HERC2: variants seen among roughly 807,000 people sequenced by gnomAD.
The protein encoded by HERC2 is HECT and RLD domain containing E3 ubiquitin protein ligase 2.
A neutral mutation model predicts 537.7 loss-of-function variants in HERC2; 102 were observed. The ratio of observed to expected loss-of-function variants is 0.19; its 90% CI spans 0.16 to 0.22. The LOEUF (loss-of-function observed/expected upper bound fraction) is 0.22, where lower values mean the gene tolerates loss of function less well. HERC2 is among the 10% of genes least tolerant of loss of function. HERC2 has a pLI of 1.00. For synonymous variants in HERC2, 2,224 were observed against 2,466.2 expected (o/e 0.90, Z 2.91); for missense variants, 4,236 against 6,198.2 (o/e 0.68, Z 10.63).
At position 28,142,788 on chromosome 15, in the gene HERC2, T is replaced by G. The variant is rs763162415; in HGVS notation, c.11544+39A>C. 9 of 1,527,276 alleles carry G rather than the reference T, an allele frequency of 5.9e-6. No homozygotes were observed. The South Asian group carries it at 1.1e-4, about 19-fold the overall frequency. The allele number at this position is 1,527,276 out of a possible 1,614,324, so 94.6% of individuals were successfully genotyped here. A position where few individuals can be genotyped will look rare whatever the true frequency, so the allele number is the denominator to read the frequency against. On this transcript the variant is annotated intron_variant, in intron 75 of 92. Coordinates refer to ENST00000261609, the MANE Select transcript of HERC2 (RefSeq NM_004667.6). ...ACTCTCAGTGGCTCTTTCAGTCAAA[T>G]AGCTCTATTGTCACTTTAAAAAAGA...
At chr15:28,206,659 C>T (rs139905498) in intron 44 of HERC2, among the ~76,000 whole-genome samples, 2,077 of 150,704 alleles carry the variant, frequency 0.014, 54 homozygotes, top group African/African-American at 0.044. Flanking sequence ...CGGTGAAACC[C>T]CATCTCTACT....
At chr15:28,313,216 CAG>C in intron 2 of HERC2, among the ~76,000 whole-genome samples, 1 of 131,328 alleles carries the variant, frequency 7.6e-6, no homozygotes, top group Non-Finnish European at 1.6e-5. Flanking sequence ...TTTTTTGAGA[CAG>C]AGTCTTGCTC....
At chr15:28,188,492 C>T (rs1212752360) in intron 55 of HERC2, among the ~76,000 whole-genome samples, 1 of 150,808 alleles carries the variant, frequency 6.6e-6, no homozygotes, top group East Asian at 1.9e-4. Flanking sequence ...TGCAGTGAGC[C>T]GGGATCACAC....
intron 25 of HERC2, 112 bp downstream of exon 25, chr15:28,238,002 T>G: frequency 1.2e-6 from 1 of 817,202 alleles, no homozygotes; most frequent in South Asian, 1.3e-5. Flanking sequence ...TTATCCCTAA[T>G]GCCCCACAAA....
intron 4 of HERC2, among the ~76,000 whole-genome samples, chr15:28,282,226 C>G (rs911564635): frequency 3.3e-5 from 5 of 152,160 alleles, no homozygotes; most frequent in Non-Finnish European, 7.3e-5. Flanking sequence ...AAAGATTTAA[C>G]CACTTACACA....
chr15:28,135,092 T>A (rs1386783111), intron 79 of HERC2, among the ~76,000 whole-genome samples: 4 of 152,210 alleles, frequency 2.6e-5, no homozygotes, highest in African/African-American at 9.7e-5. Flanking sequence ...TTCATTCTTT[T>A]ACAAATGGTG....
intron 5 of HERC2, among the ~76,000 whole-genome samples, chr15:28,275,505 G>A (rs569717497): frequency 1.4e-4 from 21 of 152,316 alleles, no homozygotes; most frequent in Admixed American, 4.6e-4. Context: ...CTCTTCTGAC[G>A]GTGGTGCTCA....
At chr15:28,125,719 G>T (rs898793541) in intron 83 of HERC2, among the ~76,000 whole-genome samples, 3 of 151,966 alleles carry the variant, frequency 2.0e-5, no homozygotes, top group Non-Finnish European at 4.4e-5. Context: ...CTGTTGCCCA[G>T]GCTGGAGTAA....
chr15:28,274,498 G>A lies in HERC2; in HGVS notation c.644-51C>T, dbSNP rs974911202. 18 of 1,535,242 alleles carry A rather than the reference G, an allele frequency of 1.2e-5. No individual in the cohort carries two copies. In the African/African-American group the frequency reaches 1.9e-4, roughly 16 times the overall value. ...GCCCCCCCACTCCCCTCACTCTCCC[G>A]CTGGGCTTCCCACCCCTCAGCGAGA... is the stretch of plus-strand genomic sequence containing the variant. On this transcript the variant is annotated intron_variant, in intron 6 of 92. Coordinates refer to ENST00000261609, the MANE Select transcript of HERC2 (RefSeq NM_004667.6).
At chr15:28,287,945 C>T (rs1210624718) in intron 4 of HERC2, among the ~76,000 whole-genome samples, 3 of 152,000 alleles carry the variant, frequency 2.0e-5, no homozygotes, top group East Asian at 1.9e-4. Context: ...AGCATGGTCT[C>T]GATCTCCTGA....
chr15:28,251,427 AG>A (rs2075076138), intron 20 of HERC2, among the ~76,000 whole-genome samples: 2 of 151,182 alleles, frequency 1.3e-5, no homozygotes, highest in African/African-American at 4.9e-5. Context: ...TGGGCAACAG[AG>A]TGAGGCTCCA....
intron 86 of HERC2, chr15:28,117,438 A>ACAC: frequency 1.5e-6 from 1 of 676,002 alleles, no homozygotes; most frequent in Non-Finnish European, 2.7e-6. Flanking sequence ...AACACGACAC[A>ACAC]CACCACCACC....
intron 52 of HERC2, among the ~76,000 whole-genome samples, 198 bp downstream of exon 52, chr15:28,196,017 C>T (rs1217471256): frequency 3.9e-5 from 6 of 152,072 alleles, no homozygotes; most frequent in South Asian, 4.2e-4. Context: ...AATTCTTCCC[C>T]GACACCCCAT....
chr15:28,250,873 G>A (rs982657868), intron 20 of HERC2, among the ~76,000 whole-genome samples: 7 of 152,140 alleles, frequency 4.6e-5, no homozygotes, highest in Admixed American at 1.3e-4. Flanking sequence ...GGAAAGCTGC[G>A]AATGCATTTT....
chr15:28,303,338 T>G (rs2076687028), intron 2 of HERC2, among the ~76,000 whole-genome samples: 1 of 152,244 alleles, frequency 6.6e-6, no homozygotes, highest in African/African-American at 2.4e-5. Flanking sequence ...TGTTTCTGGG[T>G]TCTCTATTCT....
At chr15:28,311,262 C>T (rs532092955) in intron 2 of HERC2, among the ~76,000 whole-genome samples, 161 of 151,636 alleles carry the variant, frequency 1.1e-3, no homozygotes, top group African/African-American at 3.8e-3. Context: ...CCCAGGAGTT[C>T]GAGACCAGCC....
At chr15:28,282,931 TGGGAAGGGAC>T (rs1213430030) in intron 4 of HERC2, among the ~76,000 whole-genome samples, 7 of 134,406 alleles carry the variant, frequency 5.2e-5, no homozygotes, top group African/African-American at 1.5e-4. Flanking sequence ...ACTCCGAAGA[TGGGAAGGGAC>T]GGGAAGGGAT....
chr15:28,129,983 C>T (rs1171805987), intron 83 of HERC2, among the ~76,000 whole-genome samples, 180 bp downstream of exon 83: 6 of 152,082 alleles, frequency 3.9e-5, no homozygotes. Context: ...CCGTGTAGGC[C>T]AGGCTGGTCT....
chr15:28,192,097 C>T lies in HERC2; in HGVS notation c.8315G>A (p.Ser2772Asn). Residue 2772 changes from serine to asparagine, a missense_variant, in exon 53 of 93, where the codon AGC (serine) becomes AAC (asparagine). Around this residue, in one of 27 missense-constraint regions of HERC2, gnomAD observed 606 missense variants for 884.5 expected, o/e 0.69. Coordinates refer to ENST00000261609, the MANE Select transcript of HERC2 (RefSeq NM_004667.6). ...GTCCAGCAGCATGCCTGGCTGGCTG[C>T]TGTGGCAACGCTTCAGCTGTTTTCC... is the stretch of plus-strand genomic sequence containing the variant. ...RSGKQLKRCH[S>N]SQPGMLLDSW... 1 of 1,614,046 alleles carries T rather than the reference C, an allele frequency of 6.2e-7. No homozygotes were observed. Among genetic ancestry groups the T allele is most frequent in the Non-Finnish European group, 8.5e-7 (1 of 1,180,022 alleles).
Sources: allele counts gnomAD v4.1 joint callset (sites outside exome capture counted in the v4.1 genomes callset), GRCh38; gene constraint gnomAD v4.1.1; regional missense constraint gnomAD v4.1.1; transcripts MANE v1.5; gene names NCBI Gene and HGNC (gene_info 2026-07-23, HGNC 2026-07-21).